Variants in L3MBTL4 observed in about 807,000 individuals in gnomAD.
L3MBTL4 encodes lethal(3)malignant brain tumor-like protein 4.
In L3MBTL4, 70 loss-of-function variants were observed where a neutral mutation model predicts 84.5. That is an observed-to-expected ratio of 0.83 (90% confidence interval 0.68 to 1.01). The LOEUF (loss-of-function observed/expected upper bound fraction) is 1.01. Ranked by LOEUF, L3MBTL4 falls within the 50% of genes least tolerant of loss-of-function variation. L3MBTL4 has a pLI of 0.00. For synonymous variants in L3MBTL4, 274 were observed against 259.8 expected (o/e 1.05, Z -0.52); for missense variants, 715 against 754.8 (o/e 0.95, Z 0.62).
chr18:5,995,147 G>A (rs2053894043), intron 16 of L3MBTL4, among the ~76,000 whole-genome samples: 1 of 152,270 alleles, frequency 6.6e-6, no homozygotes, highest in South Asian at 2.1e-4. Flanking sequence ...TTGATGCATG[G>A]GTCTGACAAT....
intron 14 of L3MBTL4, among the ~76,000 whole-genome samples, chr18:6,131,714 T>C (rs573949043): frequency 3.0e-4 from 46 of 152,294 alleles, no homozygotes; most frequent in African/African-American, 1.1e-3. Flanking sequence ...TCAGGTGTTT[T>C]ATGGAAAATT....
chr18:6,237,856 C>T (rs1371280268), intron 10 of L3MBTL4, 108 bp downstream of exon 10: 1 of 819,732 alleles, frequency 1.2e-6, no homozygotes, highest in African/African-American at 1.7e-5. Context: ...GTGTTTTTAT[C>T]ATATTAAATA....
At chr18:6,350,959 A>T (rs1202357060) in intron 1 of L3MBTL4, among the ~76,000 whole-genome samples, 1 of 152,214 alleles carries the variant, frequency 6.6e-6, no homozygotes, top group Admixed American at 6.5e-5. Context: ...TGGGAGGCTA[A>T]AGCGGACAGA....
intron 13 of L3MBTL4, among the ~76,000 whole-genome samples, chr18:6,143,372 G>A (rs1338361205): frequency 2.6e-5 from 4 of 152,052 alleles, no homozygotes; most frequent in African/African-American, 4.8e-5. Flanking sequence ...AAAGAGTCAA[G>A]AAAAACAGGA....
At chr18:6,276,149 C>G (rs1324566359) in intron 4 of L3MBTL4, among the ~76,000 whole-genome samples, 1 of 152,186 alleles carries the variant, frequency 6.6e-6, no homozygotes, top group Non-Finnish European at 1.5e-5. Flanking sequence ...CTAGGAGCTC[C>G]CTCCCTGCTT....
chr18:6,210,844 A>C (rs958095446), intron 12 of L3MBTL4, among the ~76,000 whole-genome samples: 7 of 152,130 alleles, frequency 4.6e-5, no homozygotes, highest in African/African-American at 1.4e-4. Flanking sequence ...TACTGATGAC[A>C]ATTGCTTCCT....
chr18:6,155,347 A>G (rs2043058198), intron 13 of L3MBTL4, among the ~76,000 whole-genome samples: 1 of 152,206 alleles, frequency 6.6e-6, no homozygotes, highest in South Asian at 2.1e-4. Flanking sequence ...ACTGCCAGAA[A>G]TCTAGAGGGT....
intron 4 of L3MBTL4, among the ~76,000 whole-genome samples, chr18:6,300,395 G>A (rs572892443): frequency 1.3e-5 from 2 of 152,166 alleles, no homozygotes; most frequent in East Asian, 1.9e-4. Context: ...AGTCAGCCAC[G>A]GTGCGAACTT....
chr18:6,336,601 A>C (rs1202859179), intron 1 of L3MBTL4, among the ~76,000 whole-genome samples: 2 of 152,222 alleles, frequency 1.3e-5, no homozygotes, highest in Admixed American at 1.3e-4. Flanking sequence ...AATAAGGTCC[A>C]ACCAGAGATA....
chr18:6,213,162 T>C lies in L3MBTL4; in HGVS notation c.968A>G (p.Asp323Gly), dbSNP rs768726267. ...IRVATIVDVD[D>G]QRVKVHFDGW... Reference sequence around the variant, plus strand: ...TAAAATATGTACCTTTACTCTTTGGTCATCAACATCTACAATCGTAGCAAC... The same window carrying C: ...TAAAATATGTACCTTTACTCTTTGGCCATCAACATCTACAATCGTAGCAAC... Residue 323 changes from aspartate to glycine, a missense_variant, in exon 12 of 19, where the codon GAC (aspartate) becomes GGC (glycine). Coordinates refer to ENST00000317931, the MANE Select transcript of L3MBTL4 (RefSeq NM_001330559.2). The C allele has an allele frequency of 1.3e-6, 2 of 1,577,508 alleles. No homozygotes were observed. Among genetic ancestry groups the C allele is most frequent in the South Asian group, 2.3e-5 (2 of 85,810 alleles).
intron 13 of L3MBTL4, among the ~76,000 whole-genome samples, chr18:6,160,030 T>A (rs1292359049): frequency 6.6e-6 from 1 of 152,166 alleles, no homozygotes; most frequent in Non-Finnish European, 1.5e-5. Flanking sequence ...GTGACGTAAG[T>A]ACAGCCGTTC....
chr18:5,958,294 T>A (rs2095244907), intron 18 of L3MBTL4, among the ~76,000 whole-genome samples: 1 of 152,180 alleles, frequency 6.6e-6, no homozygotes, highest in Admixed American at 6.5e-5. Context: ...TTTTAAAACC[T>A]TCCTGTGCAT....
intron 13 of L3MBTL4, among the ~76,000 whole-genome samples, chr18:6,168,736 C>A (rs1344803416): frequency 6.6e-6 from 1 of 152,094 alleles, no homozygotes; most frequent in Non-Finnish European, 1.5e-5. Context: ...AGAAGAAAAC[C>A]TAGGCATTAC....
At chr18:6,291,220 A>AACT (rs576817090) in intron 4 of L3MBTL4, among the ~76,000 whole-genome samples, 266 of 152,312 alleles carry the variant, frequency 1.7e-3, no homozygotes, top group Non-Finnish European at 3.5e-3. Context: ...TGCTATAGGT[A>AACT]ACTTGACAAA....
At chr18:6,281,701 T>C (rs1459471099) in intron 4 of L3MBTL4, among the ~76,000 whole-genome samples, 4 of 152,188 alleles carry the variant, frequency 2.6e-5, no homozygotes, top group Non-Finnish European at 4.4e-5. Flanking sequence ...TTTGCTATTA[T>C]AAAAAATTAA....
chr18:6,231,907 G>A (rs1370456408), intron 10 of L3MBTL4, among the ~76,000 whole-genome samples: 1 of 151,984 alleles, frequency 6.6e-6, no homozygotes, highest in Admixed American at 6.6e-5. Flanking sequence ...TACCAAATTA[G>A]TCAGGCTAGA....
chr18:6,153,550 C>T (rs1182619430), intron 13 of L3MBTL4, among the ~76,000 whole-genome samples: 1 of 151,950 alleles, frequency 6.6e-6, no homozygotes, highest in East Asian at 1.9e-4. Flanking sequence ...ATTTTGTATC[C>T]TGCAACTTTA....
intron 4 of L3MBTL4, among the ~76,000 whole-genome samples, chr18:6,285,942 C>T (rs1555716321): frequency 6.6e-6 from 1 of 151,544 alleles, no homozygotes; most frequent in Non-Finnish European, 1.5e-5. Context: ...AGCGATTCTT[C>T]TGCCTCAGCC....
chr18:6,322,192 A>T (rs2051439987), intron 1 of L3MBTL4, among the ~76,000 whole-genome samples: 1 of 151,692 alleles, frequency 6.6e-6, no homozygotes, highest in African/African-American at 2.4e-5. Context: ...CCTCATATAT[A>T]CAAATTTAAA....
Sources: gnomAD v4.1 joint callset for allele counts (sites outside exome capture counted in the v4.1 genomes callset) on GRCh38, gnomAD v4.1.1 for gene constraint, MANE v1.5 for transcripts, NCBI Gene and HGNC (gene_info 2026-07-23, HGNC 2026-07-21) for gene names.